The following SDK1 variants were observed in gnomAD, a reference collection of about 807,000 sequenced individuals.
SDK1 encodes the protein sidekick cell adhesion molecule 1.
Under a neutral mutation model 245.5 loss-of-function variants are expected in SDK1, and 157 were observed. The ratio of observed to expected loss-of-function variants is 0.64; its 90% CI spans 0.56 to 0.73. The LOEUF (loss-of-function observed/expected upper bound fraction) is 0.73. SDK1 is among the 30% of genes least tolerant of loss of function. The pLI is 0.00. For synonymous variants in SDK1, 1,647 were observed against 1,278.5 expected, an observed-to-expected ratio of 1.29 and a Z score of -6.15; for missense variants, 3,583 against 3,002.3, an observed-to-expected ratio of 1.19 and a Z score of -4.52.
At chr7:3,868,710 C>T (rs1780882445) in intron 5 of SDK1, among the ~76,000 whole-genome samples, 1 of 152,150 alleles carries the variant, frequency 6.6e-6, no homozygotes, top group Non-Finnish European at 1.5e-5. Context: ...TACATATGCA[C>T]CTTTTATTGT....
In SDK1 at chr7:3,969,294, T is replaced by A; in HGVS notation, c.1584T>A (p.Pro528=). 1.2e-6 allele frequency: 2 copies of A among 1,610,444 alleles called. No individual in the cohort carries two copies. Among genetic ancestry groups the A allele is most frequent in the East Asian group, 4.5e-5 (2 of 44,766 alleles). Residue 528 remains proline, a synonymous_variant, in exon 11 of 45, where the codon CCT becomes CCA. Transcript: ENST00000404826. ...TGGCCAGTGGCTCTGTCCGGATTCC[T>A]AGGTTCATGCTTCTTGAATCGGGGG... ...HILASGSVRI[P]RFMLLESGGL...
chr7:3,712,318 T>G (rs555664249), intron 4 of SDK1, among the ~76,000 whole-genome samples: 22 of 152,172 alleles, frequency 1.4e-4, no homozygotes, highest in Non-Finnish European at 2.8e-4. Context: ...ACGCTACTTA[T>G]GAGAATCTAA....
chr7:4,127,531 A>C, intron 26 of SDK1, 35 bp downstream of exon 26: 1 of 1,502,518 alleles, frequency 6.7e-7, no homozygotes, highest in Non-Finnish European at 9.3e-7. Context: ...CTTTGCTTAA[A>C]GAGTGGGCTG....
At chr7:3,401,303 A>G (rs1249967543) in intron 1 of SDK1, among the ~76,000 whole-genome samples, 1 of 152,224 alleles carries the variant, frequency 6.6e-6, no homozygotes, top group Non-Finnish European at 1.5e-5. Context: ...AGGCAGGATC[A>G]GAATGGAAAG....
chr7:3,693,550 CT>C (rs768015635), intron 4 of SDK1, among the ~76,000 whole-genome samples: 21 of 152,044 alleles, frequency 1.4e-4, no homozygotes, highest in Non-Finnish European at 2.9e-4. Context: ...TTCCTGTGAC[CT>C]TTGATATGTT....
chr7:3,834,733 G>A (rs952098343), intron 5 of SDK1, among the ~76,000 whole-genome samples: 7 of 152,120 alleles, frequency 4.6e-5, no homozygotes, highest in Admixed American at 3.3e-4. Context: ...CGTAAGTTCC[G>A]CGAGGATAGG....
At chr7:3,445,000 C>G (rs1780303363) in intron 1 of SDK1, among the ~76,000 whole-genome samples, 1 of 152,032 alleles carries the variant, frequency 6.6e-6, no homozygotes. Flanking sequence ...ATTGGTAATA[C>G]CAGCAGAGTC....
At chr7:4,073,964 G>GC (rs1398189896) in intron 20 of SDK1, among the ~76,000 whole-genome samples, 2 of 152,040 alleles carry the variant, frequency 1.3e-5, no homozygotes, top group Non-Finnish European at 2.9e-5. Flanking sequence ...AGCACTATGG[G>GC]GTGGGGCGGG....
intron 4 of SDK1, among the ~76,000 whole-genome samples, chr7:3,811,378 C>T (rs2115047646): frequency 6.6e-6 from 1 of 152,284 alleles, no homozygotes; most frequent in South Asian, 2.1e-4. Context: ...TTCCTGTCAA[C>T]TGTGATCATC....
intron 1 of SDK1, among the ~76,000 whole-genome samples, chr7:3,379,301 G>A (rs1321094857): frequency 3.3e-5 from 5 of 152,108 alleles, no homozygotes; most frequent in East Asian, 1.9e-4. Context: ...TTGCACACAC[G>A]TAGTTCTTGT....
At chr7:3,393,815 A>G (rs1375541151) in intron 1 of SDK1, among the ~76,000 whole-genome samples, 1 of 152,118 alleles carries the variant, frequency 6.6e-6, no homozygotes, top group Admixed American at 6.6e-5. Flanking sequence ...GGTCATGTAT[A>G]TCTGTTTCTT....
chr7:4,183,125 C>T (rs916314462), intron 35 of SDK1, among the ~76,000 whole-genome samples: 1 of 152,122 alleles, frequency 6.6e-6, no homozygotes, highest in Non-Finnish European at 1.5e-5. Flanking sequence ...TGTGCTGAGT[C>T]CACCTCTGAG....
chr7:3,865,100 G>C (rs377471947), intron 5 of SDK1, among the ~76,000 whole-genome samples: 21 of 152,318 alleles, frequency 1.4e-4, no homozygotes, highest in African/African-American at 5.1e-4. Flanking sequence ...TTTACTGACA[G>C]GAGTAGAAAG....
chr7:3,384,821 T>C (rs182637696), intron 1 of SDK1, among the ~76,000 whole-genome samples: 3 of 152,332 alleles, frequency 2.0e-5, no homozygotes, highest in Non-Finnish European at 4.4e-5. Flanking sequence ...TACACACATA[T>C]ATGTATGCTT....
chr7:3,315,538 G>T (rs1583671451), intron 1 of SDK1, among the ~76,000 whole-genome samples: 1 of 152,146 alleles, frequency 6.6e-6, no homozygotes, highest in Non-Finnish European at 1.5e-5. Context: ...GGGTGTGGAA[G>T]TCGCATATTA....
chr7:3,779,460 A>T (rs187543070), intron 4 of SDK1, among the ~76,000 whole-genome samples: 7,332 of 140,930 alleles, frequency 0.052, 265 homozygotes, highest in African/African-American at 0.1. Context: ...TATTTTTTTT[A>T]AAAAAAAAAA....
At chr7:3,311,298 C>A (rs1418539177) in intron 1 of SDK1, among the ~76,000 whole-genome samples, 1 of 151,936 alleles carries the variant, frequency 6.6e-6, no homozygotes, top group Admixed American at 6.6e-5. Flanking sequence ...GTCAGTCTTG[C>A]TTAGAGAGGT....
chr7:4,241,707 C>A, intron 42 of SDK1, 86 bp from the exon 43 acceptor site: 2 of 1,551,684 alleles, frequency 1.3e-6, no homozygotes, highest in Non-Finnish European at 8.8e-7. Context: ...GACTCAGGAG[C>A]TGCCCCGCTG....
intron 5 of SDK1, among the ~76,000 whole-genome samples, chr7:3,821,882 A>G (rs1466030644): frequency 1.3e-5 from 2 of 152,248 alleles, no homozygotes; most frequent in African/African-American, 2.4e-5. Flanking sequence ...CTAACAACAA[A>G]GAACTTTCAA....
Sources: gnomAD v4.1 joint callset for allele counts (sites outside exome capture counted in the v4.1 genomes callset) on GRCh38, gnomAD v4.1.1 for gene constraint, MANE v1.5 for transcripts, NCBI Gene and HGNC (gene_info 2026-07-23, HGNC 2026-07-21) for gene names.